TPTE2: variants seen among roughly 807,000 people sequenced by gnomAD.
TPTE2 encodes the protein transmembrane phosphoinositide 3-phosphatase and tensin homolog 2.
In TPTE2, 53 loss-of-function variants were observed where a neutral mutation model predicts 78.6. The observed-to-expected ratio is 0.67, with a 90% confidence interval of 0.54 to 0.85. The LOEUF is 0.85. Ranked by LOEUF, TPTE2 falls within the 40% of genes least tolerant of loss-of-function variation. The pLI is 0.00. For missense variants in TPTE2, 461 were observed against 623.0 expected (o/e 0.74, Z 2.77); for synonymous variants, 175 against 206.2 (o/e 0.85, Z 1.30).
the TPTE2 span, among the ~76,000 whole-genome samples, chr13:19,545,189 T>C: frequency 9.9e-5 from 15 of 152,122 alleles, no homozygotes; most frequent in South Asian, 2.9e-3. Context: ...GAGAAGATAC[T>C]AAAACTCTCT....
upstream of TPTE2, among the ~76,000 whole-genome samples, chr13:19,507,119 TA>T (rs1330862420): frequency 1.3e-5 from 2 of 152,046 alleles, no homozygotes; most frequent in African/African-American, 2.4e-5. Context: ...ATGACTCCAT[TA>T]TAGGCTAGTG....
intron 13 of TPTE2, among the ~76,000 whole-genome samples, chr13:19,446,183 G>C (rs1469376454): frequency 2.6e-5 from 4 of 152,138 alleles, no homozygotes; most frequent in Non-Finnish European, 5.9e-5. Context: ...ATTCAATGTA[G>C]TTCCAATAAA....
intron 1 of TPTE2, among the ~76,000 whole-genome samples, chr13:19,510,286 T>C (rs1043336980): frequency 1.3e-5 from 2 of 151,916 alleles, no homozygotes; most frequent in Admixed American, 1.3e-4. Context: ...AGAAAAGAGG[T>C]TTATTTGGCT....
intron 4 of TPTE2, among the ~76,000 whole-genome samples, chr13:19,476,581 A>T (rs1457271914): frequency 6.6e-6 from 1 of 152,178 alleles, no homozygotes; most frequent in Non-Finnish European, 1.5e-5. Context: ...TCTCAAAAGA[A>T]GACATGCATG....
At chr13:19,473,115 C>A (rs750074419) in intron 6 of TPTE2, among the ~76,000 whole-genome samples, 1 of 152,230 alleles carries the variant, frequency 6.6e-6, no homozygotes, top group African/African-American at 2.4e-5. Flanking sequence ...GACACAAGCA[C>A]CCCTGTGGCC....
At chr13:19,512,735 T>C (rs1160334373) in intron 1 of TPTE2, among the ~76,000 whole-genome samples, 2 of 152,040 alleles carry the variant, frequency 1.3e-5, no homozygotes, top group Non-Finnish European at 2.9e-5. Context: ...TGCACCACCA[T>C]GCCCAGCTAA....
rs1469147114 is a variant in TPTE2 at position 19,435,213 on chromosome 13, A to AT, written c.1116+1012dup. Among the ~76,000 whole-genome samples the AT allele has an allele frequency of 3.9e-5, 6 of 152,352 alleles. No homozygotes were observed. The South Asian group carries it at 1.0e-3, about 26-fold the overall frequency. On this transcript the variant is annotated intron_variant, in intron 15 of 19. Coordinates refer to ENST00000400230, the Ensembl canonical transcript of TPTE2. ...GATTAAACAAACTAAATTTTCAAAGATTTTAAGACAATTTTGGAAACAAAC... is the reference window on the plus strand; with the variant it reads ...GATTAAACAAACTAAATTTTCAAAGATTTTTAAGACAATTTTGGAAACAAAC...
At chr13:19,543,106 G>A in the TPTE2 span, among the ~76,000 whole-genome samples, 1 of 151,324 alleles carries the variant, frequency 6.6e-6, no homozygotes, top group Admixed American at 6.6e-5. Flanking sequence ...CACCCAGGCT[G>A]GAGTGCAGTG....
chr13:19,449,300 A>G (rs1020939746), intron 13 of TPTE2, among the ~76,000 whole-genome samples: 1 of 152,038 alleles, frequency 6.6e-6, no homozygotes, highest in Non-Finnish European at 1.5e-5. Context: ...CAGCCTCCCG[A>G]GTAGCTGGGA....
chr13:19,477,506 A>C (rs559225976), intron 4 of TPTE2, among the ~76,000 whole-genome samples: 2 of 152,276 alleles, frequency 1.3e-5, no homozygotes, highest in African/African-American at 4.8e-5. Context: ...GTTAAGGCTG[A>C]TGTAGATGGA....
the TPTE2 span, among the ~76,000 whole-genome samples, chr13:19,546,716 C>G: frequency 6.6e-6 from 1 of 151,762 alleles, no homozygotes. Flanking sequence ...TCTTGAGCTC[C>G]TGACCTCAGG....
At chr13:19,514,259 C>T (rs1469406719) in intron 1 of TPTE2, among the ~76,000 whole-genome samples, 2 of 152,134 alleles carry the variant, frequency 1.3e-5, no homozygotes, top group Non-Finnish European at 2.9e-5. Context: ...ATCTTATTTT[C>T]TCCACTCTGG....
intron 13 of TPTE2, among the ~76,000 whole-genome samples, chr13:19,444,604 T>C (rs1225231528): frequency 6.6e-5 from 10 of 152,010 alleles, no homozygotes; most frequent in African/African-American, 2.4e-4. Flanking sequence ...GTTGGATGAG[T>C]CAATATTGTA....
intron 1 of TPTE2, among the ~76,000 whole-genome samples, chr13:19,526,131 T>C (rs905058759): frequency 2.6e-5 from 4 of 152,180 alleles, no homozygotes; most frequent in Non-Finnish European, 4.4e-5. Context: ...AGTTTGGTGA[T>C]TTCTCAAAGA....
At chr13:19,485,821 G>A (rs1401438028) in intron 3 of TPTE2, among the ~76,000 whole-genome samples, 1 of 151,754 alleles carries the variant, frequency 6.6e-6, no homozygotes, top group Non-Finnish European at 1.5e-5. Context: ...GCCATTGATT[G>A]TATTTTTTCA....
Position 19,475,553 on chromosome 13 carries a change from GT to G in TPTE2, c.230+19del. On this transcript the variant is annotated intron_variant, in intron 5 of 19. Coordinates refer to ENST00000400230, the Ensembl canonical transcript of TPTE2. ...GTCTCAGATATATTTAATACATGGT[GT>G]TTTCTATGTCTCACATACCCAAATG... The G allele has an allele frequency of 1.2e-6, 2 of 1,605,942 alleles. No homozygotes were observed. Among genetic ancestry groups the G allele is most frequent in the Non-Finnish European group, 8.5e-7 (1 of 1,176,714 alleles).
intron 6 of TPTE2, among the ~76,000 whole-genome samples, chr13:19,469,796 GACC>G (rs1879494436): frequency 6.6e-6 from 1 of 151,980 alleles, no homozygotes; most frequent in Non-Finnish European, 1.5e-5. Context: ...TTGCATATAG[GACC>G]ACTTTTTAAA....
At position 19,535,865 on chromosome 13, in the gene TPTE2, G is replaced by GCCT. The variant is rs948741939; in HGVS notation, c.-44+728_-44+730dup. Among the ~76,000 whole-genome samples the GCCT allele has an allele frequency of 2.7e-4, 41 of 152,116 alleles. No homozygotes were observed. The highest frequency in any genetic ancestry group is 8.9e-4 in the African/African-American group (37 of 41,506). On this transcript the variant is annotated intron_variant, in intron 1 of 17. Transcript: ENST00000390680. This position sits in a 1 kb window ranked among gnomAD's most constrained non-coding sequence, Gnocchi z 5.1. ...TGGCCAGGTTGGTCTCGAACTCCTG[G>GCCT]CCTCAAGTGATCTGCCTGCCTTGGC...
intron 1 of TPTE2, among the ~76,000 whole-genome samples, chr13:19,497,558 A>T (rs9508197): frequency 6.0e-5 from 4 of 66,796 alleles, no homozygotes; most frequent in East Asian, 1.1e-3. Context: ...CTCACATGGC[A>T]GGGTATTCCA....
Sources: allele counts gnomAD v4.1 joint callset (sites outside exome capture counted in the v4.1 genomes callset), GRCh38; gene constraint gnomAD v4.1.1; non-coding constraint Gnocchi (gnomAD v3.1); transcripts MANE v1.5; gene names NCBI Gene and HGNC (gene_info 2026-07-23, HGNC 2026-07-21).